The following OCA2 variants were observed in gnomAD, a reference collection of about 807,000 sequenced individuals.
OCA2 encodes the protein P protein.
A neutral mutation model predicts 100.2 loss-of-function variants in OCA2; 77 were observed. The observed-to-expected ratio is 0.77, with a 90% CI of 0.64 to 0.93. The LOEUF is 0.93. OCA2 is among the 40% of genes least tolerant of loss of function. The pLI is 0.00. For missense variants in OCA2, 1,062 were observed against 1,089.1 expected (o/e 0.98, Z 0.35); for synonymous variants, 432 against 439.2 (o/e 0.98, Z 0.21).
At chr15:28,044,251 AT>A (rs1408078931) in intron 2 of OCA2, among the ~76,000 whole-genome samples, 1 of 152,240 alleles carries the variant, frequency 6.6e-6, no homozygotes, top group East Asian at 1.9e-4. Flanking sequence ...ATTCAAGGGC[AT>A]TCTCTGAAAT....
chr15:27,829,135 C>G (rs1278164287), intron 23 of OCA2, among the ~76,000 whole-genome samples: 3 of 152,048 alleles, frequency 2.0e-5, no homozygotes, highest in Non-Finnish European at 4.4e-5. Flanking sequence ...TAAAATCGAC[C>G]TACAACAAGG....
intron 19 of OCA2, among the ~76,000 whole-genome samples, chr15:27,921,950 T>C (rs984887317): frequency 6.6e-6 from 1 of 152,228 alleles, no homozygotes; most frequent in Non-Finnish European, 1.5e-5. Flanking sequence ...TTTTGTATGT[T>C]ATATGTCTTA....
At chr15:28,045,688 C>T (rs2043327160) in intron 2 of OCA2, among the ~76,000 whole-genome samples, 1 of 152,136 alleles carries the variant, frequency 6.6e-6, no homozygotes, top group Non-Finnish European at 1.5e-5. Context: ...AGCACAGCAC[C>T]CGGCACATAG....
intron 8 of OCA2, 23 bp from the exon 9 acceptor site, chr15:28,014,952 T>TTCACAACGAA: frequency 6.2e-7 from 1 of 1,613,558 alleles, no homozygotes; most frequent in Non-Finnish European, 8.5e-7. Flanking sequence ...ACAACGACCT[T>TTCACAACGAA]ACTGTTCACA....
chr15:27,883,067 G>A (rs143560529), intron 19 of OCA2, among the ~76,000 whole-genome samples: 2 of 152,212 alleles, frequency 1.3e-5, no homozygotes, highest in East Asian at 1.9e-4. Flanking sequence ...ACAGAACTGG[G>A]GGGCTTCTTT....
chr15:27,872,996 C>T (rs1056438522), intron 19 of OCA2, among the ~76,000 whole-genome samples: 1 of 152,196 alleles, frequency 6.6e-6, no homozygotes, highest in African/African-American at 2.4e-5. Flanking sequence ...GCCAGCTTGT[C>T]CAAGTTTAAA....
At chr15:27,747,117 C>G in the OCA2 span, among the ~76,000 whole-genome samples, 17 of 152,308 alleles carry the variant, frequency 1.1e-4, no homozygotes, top group African/African-American at 3.8e-4. Flanking sequence ...GGCACACAGA[C>G]AGACTCAGTG....
the OCA2 span, among the ~76,000 whole-genome samples, chr15:27,749,663 C>T: frequency 6.6e-6 from 1 of 152,222 alleles, no homozygotes; most frequent in African/African-American, 2.4e-5. Flanking sequence ...AGGATCTACA[C>T]ACACAAATCA....
At chr15:28,044,040 A>C (rs1320586815) in intron 2 of OCA2, among the ~76,000 whole-genome samples, 1 of 152,228 alleles carries the variant, frequency 6.6e-6, no homozygotes, top group Non-Finnish European at 1.5e-5. Context: ...TCCATATGTT[A>C]TTGGATGAAG....
chr15:27,937,156 C>A (rs1158860500), intron 18 of OCA2, among the ~76,000 whole-genome samples: 1 of 152,164 alleles, frequency 6.6e-6, no homozygotes, highest in Non-Finnish European at 1.5e-5. Flanking sequence ...TTTCTGAGTT[C>A]TTCATAAATG....
At chr15:27,847,367 T>G (rs942053906) in intron 22 of OCA2, among the ~76,000 whole-genome samples, 1 of 152,096 alleles carries the variant, frequency 6.6e-6, no homozygotes, top group Non-Finnish European at 1.5e-5. Context: ...CAGGATGGCT[T>G]CCCAGCCACA....
chr15:27,976,551 TA>T (rs1192837602), intron 14 of OCA2, among the ~76,000 whole-genome samples: 29 of 152,212 alleles, frequency 1.9e-4, no homozygotes, highest in Non-Finnish European at 2.4e-4. Flanking sequence ...TATAGTAAAT[TA>T]CATTGATTAA....
chr15:27,936,465 C>T (rs2039455421), intron 18 of OCA2, among the ~76,000 whole-genome samples: 1 of 152,216 alleles, frequency 6.6e-6, no homozygotes, highest in African/African-American at 2.4e-5. Flanking sequence ...TTCTAGTTTC[C>T]CTTTAAAATC....
At chr15:27,833,255 C>T (rs1435961160) in intron 23 of OCA2, among the ~76,000 whole-genome samples, 1 of 152,232 alleles carries the variant, frequency 6.6e-6, no homozygotes, top group Non-Finnish European at 1.5e-5. Flanking sequence ...AAAGTTTAGG[C>T]CAAGCTTCCT....
chr15:27,988,181 G>C (rs1166954215), intron 11 of OCA2, among the ~76,000 whole-genome samples: 2 of 152,106 alleles, frequency 1.3e-5, no homozygotes, highest in Non-Finnish European at 2.9e-5. Flanking sequence ...TTGGCTGCCA[G>C]GAAATGGGGG....
intron 23 of OCA2, among the ~76,000 whole-genome samples, chr15:27,817,126 G>A (rs879163243): frequency 2.6e-5 from 4 of 152,256 alleles, no homozygotes; most frequent in East Asian, 1.9e-4. Context: ...TGGAACCCAC[G>A]CTATCCTGTC....
intron 12 of OCA2, among the ~76,000 whole-genome samples, chr15:27,985,695 A>ATT (rs397958352): frequency 1.1e-3 from 165 of 145,368 alleles, no homozygotes; most frequent in East Asian, 6.1e-3. Context: ...TTGTTGAGTA[A>ATT]TTTTTTTTTT....
chr15:28,028,011 C>T lies in OCA2; in HGVS notation c.375G>A (p.Glu125=). 1.2e-6 allele frequency: 2 copies of T among 1,614,220 alleles called. No homozygotes were observed. The highest frequency in any genetic ancestry group is 1.7e-6 in the Non-Finnish European group (2 of 1,180,034). The change falls in exon 4 of 24, where the codon GAG becomes GAA. Residue 125 remains glutamate, a synonymous_variant. Transcript: ENST00000354638. ...VYHPEFITAE[E]SWEDSSADWE... ...AGTCAGCAGAGCTGTCTTCCCAAGACTCTTCAGCAGTGATGAACTCTGGAT... is the reference window on the plus strand; with the variant it reads ...AGTCAGCAGAGCTGTCTTCCCAAGATTCTTCAGCAGTGATGAACTCTGGAT...
chr15:27,785,136 C>G (rs2032744748), intron 23 of OCA2, among the ~76,000 whole-genome samples: 2 of 152,156 alleles, frequency 1.3e-5, no homozygotes, highest in Admixed American at 1.3e-4. Flanking sequence ...GAAAACTTGT[C>G]AGACTATGCA....
Sources: allele counts gnomAD v4.1 joint callset (sites outside exome capture counted in the v4.1 genomes callset), GRCh38; gene constraint gnomAD v4.1.1; transcripts MANE v1.5; gene names NCBI Gene and HGNC (gene_info 2026-07-23, HGNC 2026-07-21).